FSD1L: variants seen among roughly 807,000 people sequenced by gnomAD.
The protein encoded by FSD1L is fibronectin type III and SPRY domain containing 1 like, also known as FSD1-like protein.
In FSD1L, 45 loss-of-function variants were observed where a neutral mutation model predicts 71.6. The observed-to-expected ratio is 0.63, with a 90% confidence interval of 0.49 to 0.81. FSD1L has a LOEUF of 0.81. Ranked by LOEUF, FSD1L falls within the 30% of genes least tolerant of loss-of-function variation. The pLI, the probability that FSD1L is intolerant of heterozygous loss-of-function variation, is 0.00. For missense variants in FSD1L, 561 were observed against 618.1 expected (o/e 0.91, Z 0.98); for synonymous variants, 197 against 207.2 (o/e 0.95, Z 0.42).
chr9:105,503,195 G>T (rs1833869173), intron 7 of FSD1L, among the ~76,000 whole-genome samples: 1 of 152,034 alleles, frequency 6.6e-6, no homozygotes, highest in South Asian at 2.1e-4. Flanking sequence ...GCAGAAAAAT[G>T]TAGTAGGTTT....
intron 13 of FSD1L, among the ~76,000 whole-genome samples, 191 bp downstream of exon 13, chr9:105,539,542 A>G (rs1836473622): frequency 1.3e-5 from 2 of 152,056 alleles, no homozygotes; most frequent in South Asian, 2.1e-4. Flanking sequence ...TATTTTATTG[A>G]AGTTTATGTT....
chr9:105,544,903 A>G (rs541946785), intron 13 of FSD1L, among the ~76,000 whole-genome samples: 9 of 151,938 alleles, frequency 5.9e-5, no homozygotes, highest in African/African-American at 1.9e-4. Context: ...TTGTCTTGGC[A>G]ATGTGGGCTC....
intron 1 of FSD1L, among the ~76,000 whole-genome samples, chr9:105,451,323 G>C (rs1403718696): frequency 6.6e-6 from 1 of 152,212 alleles, no homozygotes; most frequent in Non-Finnish European, 1.5e-5. Context: ...TCACATGGTG[G>C]TTCCAGAGAA....
intron 10 of FSD1L, chr9:105,524,660 T>C: frequency 1.2e-6 from 2 of 1,613,988 alleles, no homozygotes; most frequent in Non-Finnish European, 1.7e-6. Flanking sequence ...ATTTGGAAAG[T>C]CTGAAAGAGC....
chr9:105,521,899 A>G (rs1835187774), intron 10 of FSD1L: 1 of 1,612,266 alleles, frequency 6.2e-7, no homozygotes, highest in Admixed American at 1.7e-5. Flanking sequence ...GAAATAAAAA[A>G]TCTTCTGGAT....
intron 4 of FSD1L, among the ~76,000 whole-genome samples, chr9:105,470,256 G>C (rs1304970063): frequency 6.6e-6 from 1 of 152,066 alleles, no homozygotes; most frequent in East Asian, 1.9e-4. Flanking sequence ...GATTCTACAT[G>C]AATTTTATAT....
chr9:105,500,045 G>A (rs570128887), intron 7 of FSD1L, among the ~76,000 whole-genome samples: 3 of 152,160 alleles, frequency 2.0e-5, no homozygotes, highest in South Asian at 4.1e-4. Flanking sequence ...AATTTCTAGC[G>A]CTCCACTTGT....
rs113787438 is a variant in FSD1L, at chr9:105,525,798, C to T, written c.1026-8695C>T. ...TTGGTTTGGAGGTAAATCTTACAAA[C>T]CATTGTGGTTTTATGGGAGGACTAC... On this transcript the variant is annotated intron_variant, in intron 10 of 13. Coordinates refer to ENST00000481272, the MANE Select transcript of FSD1L (RefSeq NM_001145313.3). 4.4e-6 allele frequency: 7 copies of T among 1,607,636 alleles called. No individual in the cohort carries two copies. In the South Asian group the frequency reaches 5.5e-5, roughly 13 times the overall value.
chr9:105,492,128 T>G (rs551371561), intron 7 of FSD1L, among the ~76,000 whole-genome samples: 2 of 152,288 alleles, frequency 1.3e-5, no homozygotes, highest in African/African-American at 4.8e-5. Context: ...CATCTGGTCC[T>G]GGACTCTTTT....
intron 5 of FSD1L, among the ~76,000 whole-genome samples, chr9:105,473,818 G>A (rs1347255519): frequency 6.6e-6 from 1 of 152,054 alleles, no homozygotes; most frequent in East Asian, 1.9e-4. Flanking sequence ...TCTCCCAAAT[G>A]CTACCCTTTT....
intron 7 of FSD1L, among the ~76,000 whole-genome samples, chr9:105,487,716 C>G (rs1002406647): frequency 2.0e-5 from 3 of 151,786 alleles, no homozygotes; most frequent in African/African-American, 7.3e-5. Flanking sequence ...ATTTTTTTTC[C>G]TAGCAAAATT....
At chr9:105,535,462 C>T in intron 12 of FSD1L, 144 bp downstream of exon 12, 1 of 850,192 alleles carries the variant, frequency 1.2e-6, no homozygotes, top group Non-Finnish European at 1.8e-6. Flanking sequence ...ATCATAATCT[C>T]AATTCTAGAA....
At chr9:105,500,337 C>T (rs920709354) in intron 7 of FSD1L, among the ~76,000 whole-genome samples, 12 of 152,222 alleles carry the variant, frequency 7.9e-5, no homozygotes, top group Admixed American at 7.8e-4. Flanking sequence ...TGAGCCTGTG[C>T]CTCTGGACCG....
chr9:105,497,104 T>A (rs1468030260), intron 7 of FSD1L, among the ~76,000 whole-genome samples: 1 of 152,198 alleles, frequency 6.6e-6, no homozygotes, highest in Non-Finnish European at 1.5e-5. Flanking sequence ...GTGAAATGCA[T>A]TTTTTGGCAT....
At chr9:105,510,552 T>C (rs1371093801) in intron 9 of FSD1L, among the ~76,000 whole-genome samples, 5 of 152,138 alleles carry the variant, frequency 3.3e-5, no homozygotes, top group African/African-American at 1.2e-4. Flanking sequence ...AAGGTGGAGA[T>C]TGAGTAGTTG....
intron 10 of FSD1L, chr9:105,513,564 C>T: frequency 6.6e-7 from 1 of 1,511,306 alleles, no homozygotes; most frequent in Non-Finnish European, 8.8e-7. Context: ...AGTTGTAAAA[C>T]AGTTTCTTAA....
intron 2 of FSD1L, 146 bp downstream of exon 2, chr9:105,461,761 C>G: frequency 3.6e-6 from 2 of 562,688 alleles, no homozygotes; most frequent in Non-Finnish European, 6.3e-6. Context: ...TGCCTGTAAT[C>G]CCAACACTTT....
chr9:105,528,727 A>G (rs1038029279), intron 10 of FSD1L, among the ~76,000 whole-genome samples: 3 of 152,222 alleles, frequency 2.0e-5, no homozygotes, highest in African/African-American at 7.2e-5. Flanking sequence ...ATGGGCAAAG[A>G]CTTCATGTCT....
intron 7 of FSD1L, among the ~76,000 whole-genome samples, chr9:105,485,539 T>G (rs1832485175): frequency 6.7e-6 from 1 of 149,856 alleles, no homozygotes; most frequent in African/African-American, 2.5e-5. Flanking sequence ...AGGTGTTTTT[T>G]TTTTTTTTTT....
Sources: allele counts gnomAD v4.1 joint callset (sites outside exome capture counted in the v4.1 genomes callset), GRCh38; gene constraint gnomAD v4.1.1; transcripts MANE v1.5; gene names NCBI Gene and HGNC (gene_info 2026-07-23, HGNC 2026-07-21).